CBFB: variants seen among roughly 807,000 people sequenced by gnomAD.
CBFB encodes the protein core-binding factor subunit beta, also known as CBF-beta.
CBFB carries 9 observed loss-of-function variants against 30.4 expected under a neutral mutation model. The observed-to-expected ratio is 0.30, with a 90% CI of 0.18 to 0.52. CBFB has a LOEUF of 0.52. CBFB is among the 20% of genes least tolerant of loss of function. The pLI, the probability that CBFB is intolerant of heterozygous loss-of-function variation, is 0.97. For synonymous variants in CBFB, 94 were observed against 84.0 expected (o/e 1.12, Z -0.65); for missense variants, 170 against 244.0 (o/e 0.70, Z 2.02).
chr16:67,029,507 C>A, intron 1 of CBFB, 22 bp downstream of exon 1: 1 of 1,574,176 alleles, frequency 6.4e-7, no homozygotes, highest in South Asian at 1.2e-5. Context: ...GGGCGGGCGG[C>A]TAGGAGGCCG....
chr16:67,057,004 A>T (rs1033685163), intron 3 of CBFB, among the ~76,000 whole-genome samples: 2 of 146,426 alleles, frequency 1.4e-5, no homozygotes, highest in African/African-American at 5.1e-5. Context: ...TATTTTTGAG[A>T]TGGAGTCTCA....
At chr16:67,043,348 TG>T (rs1057253272) in intron 3 of CBFB, among the ~76,000 whole-genome samples, 1 of 152,206 alleles carries the variant, frequency 6.6e-6, no homozygotes, top group Admixed American at 6.5e-5. Flanking sequence ...TTTAAGAAAA[TG>T]GGCTCATAGA....
rs577870845 is a variant in CBFB, at chr16:67,096,897, G to A, written c.496-1813G>A. Reference sequence around the variant, plus strand: ...GCGGAGCTTGCGGTGAGCCAAGATCGCGCCACTGCACTCCAGCGACTCCGT... The same window carrying A: ...GCGGAGCTTGCGGTGAGCCAAGATCACGCCACTGCACTCCAGCGACTCCGT... On this transcript the variant is annotated intron_variant, in intron 5 of 5. Coordinates refer to ENST00000412916, the MANE Select transcript of CBFB (RefSeq NM_022845.3). Among the ~76,000 whole-genome samples, 6 of 147,496 alleles carry A rather than the reference G, an allele frequency of 4.1e-5. No individual in the cohort carries two copies. In the East Asian group the frequency reaches 1.0e-3, roughly 25 times the overall value.
chr16:67,073,619 G>A (rs1961298822), intron 4 of CBFB, among the ~76,000 whole-genome samples: 1 of 151,922 alleles, frequency 6.6e-6, no homozygotes, highest in Non-Finnish European at 1.5e-5. Flanking sequence ...GTGCGTGCCT[G>A]TGGTTCTAGC....
chr16:67,086,039 G>T (rs1405963523), intron 5 of CBFB, among the ~76,000 whole-genome samples: 2 of 152,100 alleles, frequency 1.3e-5, no homozygotes, highest in East Asian at 3.8e-4. Flanking sequence ...TTAATCTAAT[G>T]GGCTGATAGC....
chr16:67,067,387 G>A (rs1961091201), intron 4 of CBFB, among the ~76,000 whole-genome samples: 1 of 151,978 alleles, frequency 6.6e-6, no homozygotes, highest in Non-Finnish European at 1.5e-5. Flanking sequence ...GCATGGTGGT[G>A]CACACCTGTA....
intron 3 of CBFB, among the ~76,000 whole-genome samples, chr16:67,049,279 C>T (rs1223191191): frequency 2.6e-5 from 4 of 152,078 alleles, no homozygotes; most frequent in African/African-American, 9.7e-5. Context: ...TCTCGGCACA[C>T]TGCAACCTCC....
chr16:67,036,647 G>A lies in CBFB; in HGVS notation c.174G>A (p.Val58=), dbSNP rs747177181. Residue 58 remains valine (V), a synonymous_variant, in exon 3 of 6, where the codon GTG becomes GTA. Coordinates refer to ENST00000412916, the MANE Select transcript of CBFB (RefSeq NM_022845.3). The part of the protein sequence containing the change: ...CRDGRSEIAF[V]ATGTNLSLQF... Reference sequence around the variant, plus strand: ...ATTGATTTTTCTAAAAGGCTTTTGTGGCCACAGGAACCAATCTGTCTCTCC... The same window carrying A: ...ATTGATTTTTCTAAAAGGCTTTTGTAGCCACAGGAACCAATCTGTCTCTCC... 1.2e-6 allele frequency: 2 copies of A among 1,607,968 alleles called. No individual in the cohort carries two copies. Among genetic ancestry groups the A allele is most frequent in the South Asian group, 2.2e-5 (2 of 90,958 alleles).
chr16:67,031,602 C>G (rs1181496135), intron 2 of CBFB, among the ~76,000 whole-genome samples: 1 of 152,220 alleles, frequency 6.6e-6, no homozygotes. Context: ...CCTTCGCCTC[C>G]TGGGTTAAAG....
At chr16:67,058,854 T>C (rs1339429142) in intron 3 of CBFB, among the ~76,000 whole-genome samples, 1 of 152,242 alleles carries the variant, frequency 6.6e-6, no homozygotes, top group African/African-American at 2.4e-5. Context: ...GAGATATCCT[T>C]TCCAATCGAA....
At chr16:67,030,704 A>G (rs1306996725) in intron 2 of CBFB, among the ~76,000 whole-genome samples, 1 of 151,900 alleles carries the variant, frequency 6.6e-6, no homozygotes, top group Admixed American at 6.6e-5. Flanking sequence ...GGTTCAAGCG[A>G]TTTTCCTGCC....
chr16:67,036,845 C>T (rs1966447426), intron 3 of CBFB, 90 bp downstream of exon 3: 2 of 773,598 alleles, frequency 2.6e-6, no homozygotes, highest in Non-Finnish European at 4.6e-6. Context: ...GATCACAGAT[C>T]TGATTATACC....
chr16:67,047,748 CT>C (rs999037494), intron 3 of CBFB, among the ~76,000 whole-genome samples: 1 of 152,094 alleles, frequency 6.6e-6, no homozygotes, highest in Non-Finnish European at 1.5e-5. Context: ...CTATCCATCC[CT>C]TTGCTATCCA....
intron 4 of CBFB, among the ~76,000 whole-genome samples, chr16:67,081,455 CT>C (rs1200117625): frequency 8.0e-5 from 12 of 150,742 alleles, no homozygotes; most frequent in African/African-American, 1.5e-4. Flanking sequence ...GAAAATCTGA[CT>C]TTTTTTTTAA....
At chr16:67,072,630 C>T (rs921362997) in intron 4 of CBFB, among the ~76,000 whole-genome samples, 1 of 152,056 alleles carries the variant, frequency 6.6e-6, no homozygotes, top group Non-Finnish European at 1.5e-5. Context: ...CCATGCCCGG[C>T]TAATTTTGTA....
At chr16:67,085,615 C>T (rs1425006174) in intron 5 of CBFB, among the ~76,000 whole-genome samples, 1 of 151,890 alleles carries the variant, frequency 6.6e-6, no homozygotes, top group Admixed American at 6.6e-5. Context: ...CCTCCTTGAC[C>T]TCCCAAAGTG....
intron 3 of CBFB, among the ~76,000 whole-genome samples, chr16:67,037,392 G>A (rs1966459270): frequency 6.6e-6 from 1 of 151,844 alleles, no homozygotes; most frequent in Non-Finnish European, 1.5e-5. Flanking sequence ...AGAGGAAAAC[G>A]GAAAAAAGCT....
chr16:67,081,832 TCTTTTTTTTTCTTTTC>T (rs1430276416), intron 4 of CBFB, among the ~76,000 whole-genome samples: 2 of 148,928 alleles, frequency 1.3e-5, no homozygotes, highest in Non-Finnish European at 3.0e-5. Flanking sequence ...TTTTTTTTTT[TCTTTTTTTTTCTTTTC>T]CTTTTTTTTT....
chr16:67,051,508 A>T (rs1285431400), intron 3 of CBFB, among the ~76,000 whole-genome samples: 1 of 152,010 alleles, frequency 6.6e-6, no homozygotes. Context: ...ACACATACAT[A>T]TATGGATCCA....
Sources: gnomAD v4.1 joint callset for allele counts (sites outside exome capture counted in the v4.1 genomes callset) on GRCh38, gnomAD v4.1.1 for gene constraint, MANE v1.5 for transcripts, NCBI Gene and HGNC (gene_info 2026-07-23, HGNC 2026-07-21) for gene names.